The following COL4A2 variants were observed in gnomAD, a reference collection of about 807,000 sequenced individuals.
The protein encoded by COL4A2 is collagen alpha-2(IV) chain.
COL4A2 carries 99 observed loss-of-function variants against 200.2 expected under a neutral mutation model. That is an observed-to-expected ratio of 0.49 (90% CI 0.42 to 0.58). The LOEUF (loss-of-function observed/expected upper bound fraction) is 0.58. Ranked by LOEUF, COL4A2 falls within the 20% of genes least tolerant of loss-of-function variation. The probability of loss-of-function intolerance (pLI) is 0.00; values close to 1 mark genes in which losing one functional copy is unlikely to be tolerated. For synonymous variants in COL4A2, 897 were observed against 900.6 expected (o/e 1.00, Z 0.07); for missense variants, 1,950 against 2,314.1 (o/e 0.84, Z 3.23).
chr13:110,505,038 CATTAAA>C (rs921805308), intron 45 of COL4A2, among the ~76,000 whole-genome samples: 6 of 151,266 alleles, frequency 4.0e-5, no homozygotes, highest in East Asian at 3.9e-4. Flanking sequence ...ATGGTCTGAG[CATTAAA>C]ATTAAAATTA....
chr13:110,383,577 A>G (rs1481303712), intron 4 of COL4A2, among the ~76,000 whole-genome samples: 2 of 149,202 alleles, frequency 1.3e-5, no homozygotes, highest in East Asian at 2.0e-4. Context: ...GGAGGATGCA[A>G]TCAGTGGTTA....
intron 29 of COL4A2, 30 bp downstream of exon 29, chr13:110,473,180 C>T: frequency 6.5e-7 from 1 of 1,546,396 alleles, no homozygotes; most frequent in Non-Finnish European, 8.7e-7. Context: ...GCCGGGGGCC[C>T]CATCCCAGAT....
chr13:110,495,386 G>A lies in COL4A2; in HGVS notation c.3679G>A (p.Glu1227Lys). The A allele has an allele frequency of 6.2e-7, 1 of 1,613,986 alleles. No homozygotes were observed. Among genetic ancestry groups the A allele is most frequent in the South Asian group, 1.1e-5 (1 of 91,084 alleles). The change falls in exon 40 of 48, where the codon GAA becomes AAA. Residue 1227 changes from glutamate (E) to lysine (K), a missense_variant. By Grantham distance (56) the Glu-to-Lys change is moderately conservative. This residue lies in a region of COL4A2 where 1,385 missense variants were observed against 1,720.5 expected (regional missense o/e 0.80). Transcript: ENST00000360467. Reference sequence around the variant, plus strand: ...CCCAGGCTTCCCAGGCCCTCCTGGGGAAAGAGGTGACCCAGGAGAGGCCAA... The same window carrying A: ...CCCAGGCTTCCCAGGCCCTCCTGGGAAAAGAGGTGACCCAGGAGAGGCCAA... ...GDPGFPGPPG[E>K]RGDPGEANTL...
chr13:110,383,452 T>C (rs1245968307), intron 4 of COL4A2, among the ~76,000 whole-genome samples: 1 of 152,152 alleles, frequency 6.6e-6, no homozygotes, highest in East Asian at 1.9e-4. Flanking sequence ...GCAGTGCAGT[T>C]GTGGTTTTGA....
chr13:110,508,967 GT>G lies in COL4A2; in HGVS notation c.4881+748del, dbSNP rs1403885786. Reference sequence around the variant, plus strand: ...TCATTGTAAGATGAAGATACTATAAGTTGAAAGTGCGTTTTCAATTTATGAT... The same window carrying G: ...TCATTGTAAGATGAAGATACTATAAGTGAAAGTGCGTTTTCAATTTATGAT... On this transcript the variant is annotated intron_variant, in intron 47 of 47. Coordinates refer to ENST00000360467, the MANE Select transcript of COL4A2 (RefSeq NM_001846.4). The surrounding 1 kb of genome is among the most constrained non-coding windows in gnomAD (Gnocchi z 6.1). Among the ~76,000 whole-genome samples the G allele has an allele frequency of 6.6e-6, 1 of 152,110 alleles. No homozygotes were observed. Among genetic ancestry groups the G allele is most frequent in the Non-Finnish European group, 1.5e-5 (1 of 68,040 alleles).
In COL4A2 at chr13:110,482,666, C is replaced by A. The variant is rs888507329; in HGVS notation, c.2902+7C>A. ...GGTGAGCCAGGTTTTAAAGGTATGT[C>A]CCTCTCTTAACATCCTCCTTACCTG... On this transcript the variant is annotated splice_region_variant and intron_variant, in intron 32 of 47. Transcript: ENST00000360467. The A allele has an allele frequency of 8.1e-6, 13 of 1,612,950 alleles. No individual in the cohort carries two copies. The highest frequency in any genetic ancestry group is 1.1e-5 in the Non-Finnish European group (13 of 1,179,142).
intron 3 of COL4A2, among the ~76,000 whole-genome samples, chr13:110,353,275 G>C (rs768599680): frequency 2.0e-4 from 30 of 152,314 alleles, no homozygotes; most frequent in African/African-American, 3.1e-4. Flanking sequence ...CTTCATGAAG[G>C]GGGTGAGCAG....
intron 39 of COL4A2, 35 bp downstream of exon 39, chr13:110,493,317 A>C (rs1443503404): frequency 6.2e-7 from 1 of 1,606,772 alleles, no homozygotes; most frequent in Non-Finnish European, 8.5e-7. Context: ...AGTCCCACGC[A>C]GAGGTGTCGA....
At chr13:110,374,758 C>G (rs956919004) in intron 4 of COL4A2, among the ~76,000 whole-genome samples, 6 of 152,222 alleles carry the variant, frequency 3.9e-5, no homozygotes, top group Non-Finnish European at 8.8e-5. Flanking sequence ...CTCTCCTGCT[C>G]TGTCCCACTG....
intron 4 of COL4A2, among the ~76,000 whole-genome samples, chr13:110,411,049 G>T (rs573154851): frequency 6.6e-6 from 1 of 152,188 alleles, no homozygotes; most frequent in African/African-American, 2.4e-5. Flanking sequence ...GGCCTGTGGG[G>T]TTACTGCAGG....
chr13:110,421,179 T>A (rs753229212), intron 4 of COL4A2, among the ~76,000 whole-genome samples: 5 of 152,124 alleles, frequency 3.3e-5, no homozygotes, highest in Admixed American at 1.3e-4. Flanking sequence ...AAAAAGAAAT[T>A]TAGCAATACC....
chr13:110,378,408 G>A (rs954360987), intron 4 of COL4A2, among the ~76,000 whole-genome samples: 2 of 152,226 alleles, frequency 1.3e-5, no homozygotes, highest in Non-Finnish European at 2.9e-5. Context: ...TCCTTTCCCA[G>A]TTGAGGAAAC....
intron 3 of COL4A2, among the ~76,000 whole-genome samples, chr13:110,355,388 G>GGGT (rs1877165082): frequency 4.7e-5 from 5 of 107,246 alleles, no homozygotes; most frequent in South Asian, 3.8e-4. Flanking sequence ...CCTGTGTGGG[G>GGGT]GGAGGGCTGC....
intron 40 of COL4A2, among the ~76,000 whole-genome samples, chr13:110,497,749 A>G: frequency 1.3e-5 from 2 of 150,080 alleles, no homozygotes; most frequent in African/African-American, 2.5e-5. Context: ...GTCAGGGGTG[A>G]GGATCTGGGG....
At chr13:110,478,263 G>A (rs1882769719) in intron 30 of COL4A2, 99 bp downstream of exon 30, 5 of 1,259,154 alleles carry the variant, frequency 4.0e-6, no homozygotes, top group Non-Finnish European at 5.3e-6. Flanking sequence ...TCTGTTCCAT[G>A]GAACCCCTTA....
intron 4 of COL4A2, among the ~76,000 whole-genome samples, chr13:110,383,205 A>G (rs1050079856): frequency 6.6e-6 from 1 of 152,238 alleles, no homozygotes; most frequent in Non-Finnish European, 1.5e-5. Flanking sequence ...TGAGCCATGG[A>G]AGATGCTGTC....
chr13:110,349,485 C>G (rs925294108), intron 3 of COL4A2, among the ~76,000 whole-genome samples: 3 of 152,240 alleles, frequency 2.0e-5, no homozygotes, highest in African/African-American at 7.2e-5. Flanking sequence ...AATCCTGCAG[C>G]TGCCACTCTT....
chr13:110,484,454 G>A (rs963545342), intron 32 of COL4A2, among the ~76,000 whole-genome samples: 14 of 152,134 alleles, frequency 9.2e-5, no homozygotes, highest in Non-Finnish European at 1.5e-4. Context: ...AGAACCCCCC[G>A]GAGACCTCCC....
rs1472380590 is a variant in COL4A2, at chr13:110,495,353, C to T, written c.3646C>T (p.His1216Tyr). The T allele has an allele frequency of 1.9e-6, 3 of 1,614,038 alleles. No homozygotes were observed. The highest frequency in any genetic ancestry group is 2.5e-6 in the Non-Finnish European group (3 of 1,180,022). ...TAACTCTTCCACAGGTTCTGACATC[C>T]ACGGAGACCCAGGCTTCCCAGGCCC... ...GFPGSPGSDI[H>Y]GDPGFPGPPG... The change falls in exon 40 of 48, where the codon CAC (histidine) becomes TAC (tyrosine). Residue 1216 changes from histidine (H) to tyrosine (Y), a missense_variant. Physicochemically the swap from His to Tyr is moderately conservative, Grantham distance 83. Around this residue, in one of 2 missense-constraint regions of COL4A2, gnomAD observed 1,385 missense variants for 1,720.5 expected, o/e 0.80. Coordinates refer to ENST00000360467, the MANE Select transcript of COL4A2 (RefSeq NM_001846.4).
Sources: gnomAD v4.1 joint callset for allele counts (sites outside exome capture counted in the v4.1 genomes callset) on GRCh38, gnomAD v4.1.1 for gene constraint, gnomAD v4.1.1 regional missense constraint, Gnocchi (gnomAD v3.1) non-coding constraint, MANE v1.5 for transcripts, NCBI Gene and HGNC (gene_info 2026-07-23, HGNC 2026-07-21) for gene names.